Variants in NAV1 observed in about 807,000 individuals in gnomAD.
NAV1 encodes pore membrane and/or filament interacting like protein 3.
A neutral mutation model predicts 175.2 loss-of-function variants in NAV1; 18 were observed. The ratio of observed to expected loss-of-function variants is 0.10; its 90% CI spans 0.07 to 0.15. NAV1 has a LOEUF of 0.15. Ranked by LOEUF, NAV1 falls within the 10% of genes least tolerant of loss-of-function variation. The probability of loss-of-function intolerance (pLI) is 1.00; values close to 1 mark genes in which losing one functional copy is unlikely to be tolerated. For missense variants in NAV1, 1,731 were observed against 2,436.6 expected, an observed-to-expected ratio of 0.71 and a Z score of 6.10; for synonymous variants, 897 against 978.7, an observed-to-expected ratio of 0.92 and a Z score of 1.56.
chr1:201,701,009 C>CAAAAAAAAAAAAAAAAAAA (rs386369321), intron 1 of NAV1, among the ~76,000 whole-genome samples: 2 of 52,760 alleles, frequency 3.8e-5, no homozygotes, highest in African/African-American at 1.8e-4. Flanking sequence ...GACTCTGTCT[C>CAAAAAAAAAAAAAAAAAAA]AAAAAAAAAA....
intron 3 of NAV1, among the ~76,000 whole-genome samples, chr1:201,763,418 CTT>C (rs1674986881): frequency 6.6e-6 from 1 of 152,298 alleles, no homozygotes; most frequent in South Asian, 2.1e-4. Flanking sequence ...ATCTTTCACT[CTT>C]TGAAGGATTT....
chr1:201,542,039 C>A (rs1665530750), intron 1 of NAV1, among the ~76,000 whole-genome samples: 1 of 152,192 alleles, frequency 6.6e-6, no homozygotes, highest in Non-Finnish European at 1.5e-5. Context: ...TTAAAAGGAT[C>A]TCCACTCCTC....
upstream of NAV1, among the ~76,000 whole-genome samples, chr1:201,645,465 T>C (rs1489823318): frequency 6.6e-6 from 1 of 151,206 alleles, no homozygotes; most frequent in Admixed American, 6.6e-5. Context: ...GACCAGTTAA[T>C]GGGTGCAGCA....
intron 11 of NAV1, 114 bp from the exon 16 acceptor site, chr1:201,790,440 T>C (rs953033733): frequency 2.0e-5 from 25 of 1,227,796 alleles, no homozygotes; most frequent in Non-Finnish European, 2.8e-5. Flanking sequence ...TCTCTGCACC[T>C]CTGAGTCATG....
chr1:201,563,135 G>A (rs964777735), intron 1 of NAV1, among the ~76,000 whole-genome samples: 2 of 152,178 alleles, frequency 1.3e-5, no homozygotes, highest in African/African-American at 4.8e-5. Context: ...ATGAAGAGGT[G>A]ACCGGATCGT....
intron 3 of NAV1, chr1:201,739,641 G>T: frequency 3.3e-6 from 1 of 302,426 alleles, no homozygotes; most frequent in Non-Finnish European, 5.1e-6. Flanking sequence ...GTTAATTTCG[G>T]AGCAGCCCAG....
chr1:201,622,090 A>G (rs963865238), upstream of NAV1, among the ~76,000 whole-genome samples: 2 of 152,134 alleles, frequency 1.3e-5, no homozygotes, highest in Non-Finnish European at 2.9e-5. Flanking sequence ...CAAAGGTGGG[A>G]CACTCAGTCT....
intron 1 of NAV1, among the ~76,000 whole-genome samples, chr1:201,672,623 G>C (rs1670085636): frequency 6.6e-6 from 1 of 152,342 alleles, no homozygotes; most frequent in Admixed American, 6.5e-5. Context: ...CCTTATCTAA[G>C]CTCTTACTGC....
At chr1:201,594,672 TG>T (rs940349741) in intron 2 of NAV1, among the ~76,000 whole-genome samples, 2 of 152,164 alleles carry the variant, frequency 1.3e-5, no homozygotes, top group African/African-American at 4.8e-5. Context: ...CTGTGATACA[TG>T]GGTCGTGAGG....
chr1:201,581,951 C>T (rs1666879320), intron 1 of NAV1, among the ~76,000 whole-genome samples: 1 of 152,110 alleles, frequency 6.6e-6, no homozygotes, highest in South Asian at 2.1e-4. Flanking sequence ...AAAAAATTAG[C>T]TGGGGATGGT....
intron 2 of NAV1, among the ~76,000 whole-genome samples, chr1:201,630,817 T>C (rs1242495920): frequency 6.6e-6 from 1 of 152,226 alleles, no homozygotes; most frequent in African/African-American, 2.4e-5. Context: ...TATGTGGAGC[T>C]CTATTTTTAC....
At chr1:201,755,082 T>C (rs143647878) in intron 3 of NAV1, among the ~76,000 whole-genome samples, 1,588 of 152,362 alleles carry the variant, frequency 0.01, 23 homozygotes, top group African/African-American at 0.035. Context: ...AACATGTTAC[T>C]TAATACCTTG....
chr1:201,563,859 C>T (rs565882313), intron 1 of NAV1, among the ~76,000 whole-genome samples: 21 of 152,060 alleles, frequency 1.4e-4, no homozygotes, highest in Non-Finnish European at 2.4e-4. Flanking sequence ...CTTTGTGAGG[C>T]CAAGGCAGGA....
intron 2 of NAV1, among the ~76,000 whole-genome samples, chr1:201,642,525 T>TTTTC (rs762452787): frequency 0.037 from 3,740 of 100,384 alleles, 144 homozygotes; most frequent in Middle Eastern, 0.064. Context: ...TTCTTTCTTT[T>TTTTC]TTTCTTTCTT....
rs1042601760 is a variant in NAV1 at position 201,717,756 on chromosome 1, T to C, written c.861-634T>C. ...GACCAGTCTTACTGGGGACCTGCCATACATCCCAGATTCCCAAAGCTTTTC... is the reference window on the plus strand; with the variant it reads ...GACCAGTCTTACTGGGGACCTGCCACACATCCCAGATTCCCAAAGCTTTTC... On this transcript the variant is annotated intron_variant, in intron 2 of 29. Transcript: ENST00000367296. Among the ~76,000 whole-genome samples, 79 of 152,256 alleles carry C rather than the reference T, an allele frequency of 5.2e-4. 1 individual carries two copies. Among genetic ancestry groups the C allele is most frequent in the Non-Finnish European group, 2.9e-5 (2 of 68,040 alleles).
chr1:201,663,745 G>A (rs1378782111), intron 1 of NAV1, among the ~76,000 whole-genome samples: 1 of 152,200 alleles, frequency 6.6e-6, no homozygotes, highest in Non-Finnish European at 1.5e-5. Flanking sequence ...GCATGGGGCT[G>A]GAGCTAGGGT....
At chr1:201,648,187 C>A, upstream of NAV1, 1 of 969,578 alleles carries the variant, frequency 1.0e-6, no homozygotes. Flanking sequence ...CAGCCTGCAG[C>A]CTCGACTCGG....
At chr1:201,581,517 C>T (rs1215036984) in intron 1 of NAV1, among the ~76,000 whole-genome samples, 1 of 152,076 alleles carries the variant, frequency 6.6e-6, no homozygotes, top group African/African-American at 2.4e-5. Flanking sequence ...AGAGTCATTA[C>T]ATAGAATCAG....
chr1:201,602,591 G>A (rs1667547303), intron 2 of NAV1, among the ~76,000 whole-genome samples: 1 of 150,258 alleles, frequency 6.7e-6, no homozygotes. Context: ...GCCTCCCAAA[G>A]TGCTGGGTTT....
Sources: allele counts gnomAD v4.1 joint callset (sites outside exome capture counted in the v4.1 genomes callset), GRCh38; gene constraint gnomAD v4.1.1; transcripts MANE v1.5; gene names NCBI Gene and HGNC (gene_info 2026-07-23, HGNC 2026-07-21).